The following CSMD3 variants were observed in gnomAD, a reference collection of about 807,000 sequenced individuals.
CSMD3 encodes CUB and Sushi multiple domains 3.
In CSMD3, 177 loss-of-function variants were observed where a neutral mutation model predicts 435.2. The ratio of observed to expected loss-of-function variants is 0.41; its 90% CI spans 0.36 to 0.46. The LOEUF is 0.46. Ranked by LOEUF, CSMD3 falls within the 20% of genes least tolerant of loss-of-function variation. The probability of loss-of-function intolerance (pLI) is 0.34; values close to 1 mark genes in which losing one functional copy is unlikely to be tolerated. For missense variants in CSMD3, 4,265 were observed against 4,504.6 expected (o/e 0.95, Z 1.52); for synonymous variants, 1,656 against 1,520.5 (o/e 1.09, Z -2.07).
intron 1 of CSMD3, among the ~76,000 whole-genome samples, chr8:113,433,969 T>G (rs2094690393): frequency 6.6e-6 from 1 of 152,118 alleles, no homozygotes; most frequent in South Asian, 2.1e-4. Context: ...CACGCCTCAG[T>G]TTGGTGCTCT....
intron 30 of CSMD3, among the ~76,000 whole-genome samples, chr8:112,494,602 A>G (rs1052824847): frequency 2.1e-5 from 3 of 140,964 alleles, no homozygotes; most frequent in African/African-American, 8.1e-5. Context: ...AAGTACTTAA[A>G]GGCTCACTAC....
intron 13 of CSMD3, among the ~76,000 whole-genome samples, chr8:112,751,223 T>C (rs1292648680): frequency 6.6e-6 from 1 of 152,130 alleles, no homozygotes; most frequent in Non-Finnish European, 1.5e-5. Context: ...AGGCATGTCT[T>C]CATAATCAGG....
At position 113,148,259 on chromosome 8, in the gene CSMD3, T is replaced by C. The variant is rs547333224; in HGVS notation, c.709+25463A>G. 3.3e-5 allele frequency among the ~76,000 whole-genome samples: 5 copies of C among 151,778 alleles called. No homozygotes were observed. In the East Asian group the frequency reaches 9.8e-4, roughly 30 times the overall value. On this transcript the variant is annotated intron_variant, in intron 4 of 70. Transcript: ENST00000297405. ...TTCATCACATCTTTATTCCATCTGCTTAAAATGCTCTCTTTATGACCCTAC... is the reference window on the plus strand; with the variant it reads ...TTCATCACATCTTTATTCCATCTGCCTAAAATGCTCTCTTTATGACCCTAC...
At chr8:112,615,039 G>GA (rs1296903744) in intron 22 of CSMD3, among the ~76,000 whole-genome samples, 5 of 151,956 alleles carry the variant, frequency 3.3e-5, no homozygotes, top group Admixed American at 1.3e-4. Context: ...TCTAGGGCTA[G>GA]AAAATAACAA....
At chr8:112,296,790 T>G (rs1013087612) in intron 53 of CSMD3, among the ~76,000 whole-genome samples, 1 of 151,794 alleles carries the variant, frequency 6.6e-6, no homozygotes, top group Non-Finnish European at 1.5e-5. Context: ...ATAGAGAACA[T>G]TAAGTTAAAA....
intron 26 of CSMD3, among the ~76,000 whole-genome samples, chr8:112,551,647 C>T (rs899290558): frequency 7.9e-5 from 12 of 151,816 alleles, no homozygotes; most frequent in African/African-American, 2.9e-4. Flanking sequence ...TAAAACAATG[C>T]ACGACTTAGA....
At chr8:112,793,424 G>A (rs2078744548) in intron 13 of CSMD3, among the ~76,000 whole-genome samples, 1 of 151,654 alleles carries the variant, frequency 6.6e-6, no homozygotes, top group Middle Eastern at 3.4e-3. Flanking sequence ...GTATTTCCAT[G>A]TTAACATATT....
intron 3 of CSMD3, among the ~76,000 whole-genome samples, chr8:113,223,679 T>C (rs1370549584): frequency 4.0e-5 from 6 of 149,876 alleles, no homozygotes; most frequent in Non-Finnish European, 8.9e-5. Flanking sequence ...TGTGGTTTTA[T>C]TCTTTCATTA....
At chr8:113,125,290 C>T (rs981389461) in intron 4 of CSMD3, among the ~76,000 whole-genome samples, 23 of 151,976 alleles carry the variant, frequency 1.5e-4, no homozygotes, top group African/African-American at 5.1e-4. Context: ...GTTTATGCCA[C>T]ATCTGTGTAT....
At chr8:112,889,867 T>G (rs1293133024) in intron 10 of CSMD3, among the ~76,000 whole-genome samples, 3 of 151,616 alleles carry the variant, frequency 2.0e-5, no homozygotes, top group Non-Finnish European at 4.4e-5. Context: ...AAAGACAGGT[T>G]GTCAGGAGAG....
chr8:112,292,453 G>T, intron 55 of CSMD3, 84 bp downstream of exon 55: 1 of 1,391,964 alleles, frequency 7.2e-7, no homozygotes, highest in Non-Finnish European at 1.0e-6. Context: ...TTACTATTCT[G>T]CTCAAGCTGT....
chr8:112,347,385 T>C (rs1825774740), intron 40 of CSMD3, among the ~76,000 whole-genome samples: 1 of 152,168 alleles, frequency 6.6e-6, no homozygotes, highest in African/African-American at 2.4e-5. Context: ...AGAATACTTA[T>C]TTGCAATCGC....
chr8:112,290,870 C>A (rs1057386095), intron 56 of CSMD3, among the ~76,000 whole-genome samples: 1 of 151,940 alleles, frequency 6.6e-6, no homozygotes, highest in Non-Finnish European at 1.5e-5. Context: ...CTCCTCTATG[C>A]CTTCACAGAA....
intron 1 of CSMD3, among the ~76,000 whole-genome samples, chr8:113,403,078 T>C (rs1014249123): frequency 6.6e-6 from 1 of 151,352 alleles, no homozygotes; most frequent in Non-Finnish European, 1.5e-5. Flanking sequence ...TTAGAATCAG[T>C]GGGAGTTCCT....
At position 112,304,805 on chromosome 8, in the gene CSMD3, C is replaced by T. The variant is rs2130777995; in HGVS notation, c.8182G>A (p.Gly2728Ser). The T allele has an allele frequency of 6.2e-7, 1 of 1,613,772 alleles. No individual in the cohort carries two copies. Among genetic ancestry groups the T allele is most frequent in the Non-Finnish European group, 8.5e-7 (1 of 1,179,802 alleles). Residue 2728 changes from glycine (G) to serine (S), a missense_variant, in exon 52 of 71, where the codon GGT becomes AGT. This residue lies in a region of CSMD3 where 3,255 missense variants were observed against 3,380.2 expected (regional missense o/e 0.96). Transcript: ENST00000297405. ...GAGGCAGGACCTAGTCCATGATAAC[C>T]AGGGTCACAGCTGAAAACTACTTTG... ...KTKVVFSCDP[G>S]YHGLGPASIE...
At chr8:112,420,519 A>T (rs1425665905) in intron 32 of CSMD3, among the ~76,000 whole-genome samples, 1 of 152,168 alleles carries the variant, frequency 6.6e-6, no homozygotes, top group Non-Finnish European at 1.5e-5. Flanking sequence ...TCTGAATTCA[A>T]AGTCCATACA....
intron 3 of CSMD3, among the ~76,000 whole-genome samples, chr8:113,251,542 G>A (rs534149627): frequency 2.2e-3 from 172 of 77,616 alleles, no homozygotes; most frequent in African/African-American, 3.1e-3. Flanking sequence ...ATCACTAAAA[G>A]TAAAAAAAAA....
At chr8:112,606,969 TATGA>T (rs1832836749) in intron 22 of CSMD3, among the ~76,000 whole-genome samples, 2 of 21,468 alleles carry the variant, frequency 9.3e-5, no homozygotes, top group South Asian at 1.4e-3. Flanking sequence ...CCCCTCAAGC[TATGA>T]AAAAAAAAAA....
intron 24 of CSMD3, among the ~76,000 whole-genome samples, chr8:112,558,000 T>G (rs998799585): frequency 6.6e-6 from 1 of 151,812 alleles, no homozygotes; most frequent in African/African-American, 2.4e-5. Context: ...CTGCAAGTAG[T>G]GTTAGAATTG....
Sources: allele counts gnomAD v4.1 joint callset (sites outside exome capture counted in the v4.1 genomes callset), GRCh38; gene constraint gnomAD v4.1.1; regional missense constraint gnomAD v4.1.1; transcripts MANE v1.5; gene names NCBI Gene and HGNC (gene_info 2026-07-23, HGNC 2026-07-21).